ATXN1: variants seen among roughly 807,000 people sequenced by gnomAD.
ATXN1 encodes the protein ataxin-1.
ATXN1 carries 8 observed loss-of-function variants against 56.4 expected under a neutral mutation model. That is an observed-to-expected ratio of 0.14 (90% CI 0.08 to 0.26). ATXN1 has a LOEUF of 0.26. ATXN1 is among the 10% of genes least tolerant of loss of function. The probability of loss-of-function intolerance (pLI) is 1.00; values close to 1 mark genes in which losing one functional copy is unlikely to be tolerated. For synonymous variants in ATXN1, 514 were observed against 494.6 expected, an observed-to-expected ratio of 1.04 and a Z score of -0.52; for missense variants, 987 against 1,106.5, an observed-to-expected ratio of 0.89 and a Z score of 1.53.
intron 2 of ATXN1, among the ~76,000 whole-genome samples, chr6:16,715,773 A>T (rs1759626331): frequency 6.6e-6 from 1 of 152,184 alleles, no homozygotes; most frequent in South Asian, 2.1e-4. Context: ...CTAGAATATA[A>T]GCCAAAGTCC....
At chr6:16,588,929 A>G (rs978994861) in intron 3 of ATXN1, among the ~76,000 whole-genome samples, 1 of 152,130 alleles carries the variant, frequency 6.6e-6, no homozygotes, top group Non-Finnish European at 1.5e-5. Flanking sequence ...CCTTTGGGTA[A>G]CATGCAAGGC....
intron 2 of ATXN1, among the ~76,000 whole-genome samples, chr6:16,686,827 T>C (rs1279161422): frequency 6.6e-6 from 1 of 152,204 alleles, no homozygotes; most frequent in Non-Finnish European, 1.5e-5. Context: ...AGAACCTCCT[T>C]TGTGGCCAGG....
chr6:16,326,963 C>G lies in ATXN1; in HGVS notation c.1348G>C (p.Ala450Pro). 6.2e-7 allele frequency: 1 copy of G among 1,614,116 alleles called. No homozygotes were observed. The highest frequency in any genetic ancestry group is 8.5e-7 in the Non-Finnish European group (1 of 1,180,024). Residue 450 changes from alanine to proline, a missense_variant, in exon 7 of 8, where the codon GCC becomes CCC. Transcript: ENST00000436367. The surrounding 1 kb of genome is among the most constrained non-coding windows in gnomAD (Gnocchi z 6.6). Reference protein sequence around the residue: ...ASEPLPVGLPATAFYAGTQPP... With the variant: ...ASEPLPVGLPPTAFYAGTQPP... Reference sequence around the variant, plus strand: ...TGAGTCCCTGCGTAGAAGGCCGTGGCTGGCAGTCCCACCGGGAGTGGCTCT... The same window carrying G: ...TGAGTCCCTGCGTAGAAGGCCGTGGGTGGCAGTCCCACCGGGAGTGGCTCT...
intron 2 of ATXN1, among the ~76,000 whole-genome samples, chr6:16,668,923 A>G (rs1187113681): frequency 6.6e-6 from 1 of 151,944 alleles, no homozygotes; most frequent in African/African-American, 2.4e-5. Flanking sequence ...TGTAATGAAT[A>G]TTATTATTTG....
chr6:16,725,974 C>A (rs1325519965), intron 2 of ATXN1, among the ~76,000 whole-genome samples: 1 of 152,190 alleles, frequency 6.6e-6, no homozygotes, highest in African/African-American at 2.4e-5. Flanking sequence ...CCCTCTGACT[C>A]CTCCTCCCCA....
At chr6:16,639,831 C>T (rs1220298635) in intron 3 of ATXN1, among the ~76,000 whole-genome samples, 1 of 152,204 alleles carries the variant, frequency 6.6e-6, no homozygotes, top group African/African-American at 2.4e-5. Context: ...ACAATGTTTC[C>T]TTCTATGCAG....
chr6:16,748,966 C>G (rs982393362), intron 2 of ATXN1, among the ~76,000 whole-genome samples: 4 of 152,186 alleles, frequency 2.6e-5, no homozygotes, highest in Non-Finnish European at 5.9e-5. Flanking sequence ...ATCAGGAAGT[C>G]TTAGACTAAC....
At chr6:16,632,019 C>T (rs567387669) in intron 3 of ATXN1, among the ~76,000 whole-genome samples, 23 of 152,316 alleles carry the variant, frequency 1.5e-4, no homozygotes, top group Non-Finnish European at 3.1e-4. Context: ...TTTTGTCTCA[C>T]ACCACCTGTA....
chr6:16,341,547 C>T (rs1270331891), intron 6 of ATXN1, among the ~76,000 whole-genome samples: 2 of 136,922 alleles, frequency 1.5e-5, no homozygotes, highest in Non-Finnish European at 3.0e-5. Flanking sequence ...GAGACAGAGT[C>T]TCGCTCTGTC....
chr6:16,555,381 G>A (rs1761992408), intron 4 of ATXN1, among the ~76,000 whole-genome samples: 1 of 152,156 alleles, frequency 6.6e-6, no homozygotes, highest in African/African-American at 2.4e-5. Context: ...GCTCAGAAAA[G>A]TTCAGTAGCT....
Position 16,327,004 on chromosome 6 carries a change from G to C in ATXN1, c.1307C>G (p.Thr436Ser), listed in dbSNP as rs1157629588. The C allele has an allele frequency of 8.7e-6, 14 of 1,614,176 alleles. No homozygotes were observed. Among genetic ancestry groups the C allele is most frequent in the Non-Finnish European group, 1.0e-5 (12 of 1,180,024 alleles). Reference sequence around the variant, plus strand: ...GAGTGGCTCTGAAGCACTGTGTGTGGTCTGAATGACCGTGTGGGGTGAGAG... The same window carrying C: ...GAGTGGCTCTGAAGCACTGTGTGTGCTCTGAATGACCGTGTGGGGTGAGAG... Reference protein sequence around the residue: ...YALSPHTVIQTTHSASEPLPV... With the variant: ...YALSPHTVIQSTHSASEPLPV... Residue 436 changes from threonine (T) to serine (S), a missense_variant, in exon 7 of 8, where the codon ACC becomes AGC. Physicochemically the swap from Thr to Ser is moderately conservative, Grantham distance 58. This residue lies in a region of ATXN1 where 723 missense variants were observed against 791.7 expected (regional missense o/e 0.91). Transcript: ENST00000436367.
intron 4 of ATXN1, among the ~76,000 whole-genome samples, chr6:16,555,844 T>C (rs1392415209): frequency 6.6e-6 from 1 of 152,206 alleles, no homozygotes; most frequent in South Asian, 2.1e-4. Flanking sequence ...AAAGCCTCAA[T>C]TGTTACTGTC....
intron 6 of ATXN1, among the ~76,000 whole-genome samples, chr6:16,444,166 A>T (rs1269660567): frequency 1.3e-5 from 2 of 151,918 alleles, no homozygotes; most frequent in East Asian, 1.9e-4. Context: ...ATATCTAGAG[A>T]GACACAGATT....
intron 5 of ATXN1, among the ~76,000 whole-genome samples, chr6:16,511,811 G>C (rs1274330542): frequency 6.6e-6 from 1 of 152,208 alleles, no homozygotes; most frequent in Non-Finnish European, 1.5e-5. Context: ...CGAGGCTGGG[G>C]AAGACTGAAG....
intron 6 of ATXN1, among the ~76,000 whole-genome samples, chr6:16,337,689 C>G (rs73724836): frequency 0.026 from 4,014 of 152,222 alleles, 155 homozygotes; most frequent in African/African-American, 0.09. Flanking sequence ...GGTTAGCTAC[C>G]CGGGGGCACC....
At chr6:16,724,578 T>C (rs1212844185) in intron 2 of ATXN1, among the ~76,000 whole-genome samples, 1 of 152,166 alleles carries the variant, frequency 6.6e-6, no homozygotes, top group Non-Finnish European at 1.5e-5. Flanking sequence ...TGCTCTGCTC[T>C]AAAACTTTCT....
rs1426262078 is a variant in ATXN1 at position 16,306,439 on chromosome 6, G to A, written c.2338C>T (p.Arg780Cys). 3 of 1,614,130 alleles carry A rather than the reference G, an allele frequency of 1.9e-6. No individual in the cohort carries two copies. The highest frequency in any genetic ancestry group is 2.5e-6 in the Non-Finnish European group (3 of 1,180,022). ...TCGTCTTCTGACTTCTCCAGTTTGC[G>A]GCTCTCTGGCGCCGACCACCTCCTC... ...RKRRWSAPES[R>C]KLEKSEDEPP... Residue 780 changes from arginine (R) to cysteine (C), a missense_variant, in exon 8 of 8, where the codon CGC becomes TGC. Coordinates refer to ENST00000436367, the MANE Select transcript of ATXN1 (RefSeq NM_001128164.2). The surrounding 1 kb of genome is among the most constrained non-coding windows in gnomAD (Gnocchi z 5.2).
At chr6:16,369,062 A>G (rs1220427662) in intron 6 of ATXN1, among the ~76,000 whole-genome samples, 1 of 152,206 alleles carries the variant, frequency 6.6e-6, no homozygotes, top group Non-Finnish European at 1.5e-5. Context: ...GGGGACCAAT[A>G]AATTAACCGC....
At chr6:16,729,827 G>A (rs1358867581) in intron 2 of ATXN1, among the ~76,000 whole-genome samples, 1 of 152,184 alleles carries the variant, frequency 6.6e-6, no homozygotes, top group Non-Finnish European at 1.5e-5. Flanking sequence ...AGAGAAAATG[G>A]CCCTCTGAAC....
Sources: allele counts gnomAD v4.1 joint callset (sites outside exome capture counted in the v4.1 genomes callset), GRCh38; gene constraint gnomAD v4.1.1; regional missense constraint gnomAD v4.1.1; non-coding constraint Gnocchi (gnomAD v3.1); transcripts MANE v1.5; gene names NCBI Gene and HGNC (gene_info 2026-07-23, HGNC 2026-07-21).